The following RBM26 variants were observed in gnomAD, a reference collection of about 807,000 sequenced individuals.
RBM26 encodes the protein RNA-binding protein 26.
In RBM26, 30 loss-of-function variants were observed where a neutral mutation model predicts 123.6. The ratio of observed to expected loss-of-function variants is 0.24; its 90% CI spans 0.18 to 0.33. The LOEUF (loss-of-function observed/expected upper bound fraction) is 0.33, where lower values mean the gene tolerates loss of function less well. Ranked by LOEUF, RBM26 falls within the 10% of genes least tolerant of loss-of-function variation. The pLI is 1.00. For synonymous variants in RBM26, 400 were observed against 404.4 expected (o/e 0.99, Z 0.13); for missense variants, 947 against 1,203.6 (o/e 0.79, Z 3.15).
intron 14 of RBM26, among the ~76,000 whole-genome samples, chr13:79,345,633 T>C (rs1431398144): frequency 6.6e-6 from 1 of 151,520 alleles, no homozygotes; most frequent in Non-Finnish European, 1.5e-5. Flanking sequence ...TTTGCTCATC[T>C]ATAAAATAAA....
chr13:79,375,112 A>AATATATATTTATATATATCAT (rs2076561607), intron 3 of RBM26, among the ~76,000 whole-genome samples: 1 of 127,732 alleles, frequency 7.8e-6, no homozygotes, highest in Non-Finnish European at 1.7e-5. Context: ...ATATCATATA[A>AATATATATTTATATATATCAT]ATATATATTT....
At chr13:79,333,309 A>G (rs2069731769) in intron 20 of RBM26, among the ~76,000 whole-genome samples, 1 of 152,212 alleles carries the variant, frequency 6.6e-6, no homozygotes, top group South Asian at 2.1e-4. Flanking sequence ...ATTTTATAAA[A>G]TAATATACTA....
Position 79,319,108 on chromosome 13 carries a change from A to G in RBM26, c.*1513T>C. Reference sequence around the variant, plus strand: ...TCTATGAAATAGTGTTACCATCAAGAAAATACACACAACTTCAACCCCAAT... The same window carrying G: ...TCTATGAAATAGTGTTACCATCAAGGAAATACACACAACTTCAACCCCAAT... On this transcript the variant is annotated 3_prime_UTR_variant, in exon 22 of 22. Coordinates refer to ENST00000438737, the MANE Select transcript of RBM26 (RefSeq NM_001366735.2). The G allele has an allele frequency of 5.1e-6, 5 of 984,500 alleles. No homozygotes were observed. The highest frequency in any genetic ancestry group is 4.8e-6 in the Non-Finnish European group (4 of 829,270). The allele number at this position is 984,500 out of a possible 1,614,324, so 61.0% of individuals were successfully genotyped here.
At chr13:79,346,084 T>G (rs1313151251) in intron 14 of RBM26, among the ~76,000 whole-genome samples, 2 of 152,066 alleles carry the variant, frequency 1.3e-5, no homozygotes, top group Non-Finnish European at 2.9e-5. Flanking sequence ...CTAAATAAGG[T>G]TAAAAGAACT....
chr13:79,325,236 G>T (rs2068207102), intron 20 of RBM26, among the ~76,000 whole-genome samples: 1 of 152,004 alleles, frequency 6.6e-6, no homozygotes, highest in Admixed American at 6.6e-5. Context: ...CATTATTTTA[G>T]AGTGTACTCT....
At chr13:79,405,131 G>A (rs1029569883) in intron 1 of RBM26, among the ~76,000 whole-genome samples, 2 of 152,238 alleles carry the variant, frequency 1.3e-5, no homozygotes, top group Non-Finnish European at 2.9e-5. Context: ...TATGGATGAA[G>A]ATTCAATTTT....
chr13:79,362,725 A>AT (rs1315239754), intron 9 of RBM26, among the ~76,000 whole-genome samples: 9 of 152,074 alleles, frequency 5.9e-5, no homozygotes, highest in Non-Finnish European at 1.3e-4. Flanking sequence ...TTTTACTTTA[A>AT]TATGTTCCGT....
intron 14 of RBM26, among the ~76,000 whole-genome samples, chr13:79,351,818 A>C (rs941579712): frequency 6.6e-6 from 1 of 152,178 alleles, no homozygotes; most frequent in African/African-American, 2.4e-5. Context: ...ATAATGAATT[A>C]ACGCCAAAAT....
chr13:79,354,337 T>C, intron 13 of RBM26, 102 bp downstream of exon 13: 1 of 1,040,640 alleles, frequency 9.6e-7, no homozygotes, highest in Admixed American at 3.0e-5. Flanking sequence ...GACTATCATA[T>C]TTCTATGTAA....
At chr13:79,340,607 A>T (rs942978546) in intron 18 of RBM26, among the ~76,000 whole-genome samples, 2 of 151,964 alleles carry the variant, frequency 1.3e-5, no homozygotes, top group Admixed American at 6.6e-5. Flanking sequence ...TTTCACTAGG[A>T]GTTGTTTCTT....
chr13:79,357,263 T>C (rs1294423573), intron 11 of RBM26, among the ~76,000 whole-genome samples: 1 of 152,126 alleles, frequency 6.6e-6, no homozygotes, highest in Non-Finnish European at 1.5e-5. Context: ...ATAGTACTTT[T>C]CAATGGCAAG....
At chr13:79,316,583 A>G (rs187578091), downstream of RBM26, among the ~76,000 whole-genome samples, 1,204 of 151,934 alleles carry the variant, frequency 7.9e-3, 12 homozygotes, top group Admixed American at 0.014. Flanking sequence ...ATCAAATCAC[A>G]ATAAAACAAA....
chr13:79,366,949 A>C (rs376689829), intron 6 of RBM26, 77 bp from the exon 7 acceptor site: 5 of 1,183,352 alleles, frequency 4.2e-6, no homozygotes, highest in African/African-American at 3.1e-5. Flanking sequence ...GCAAAAGTAA[A>C]ATATTTAAAA....
intron 1 of RBM26, among the ~76,000 whole-genome samples, chr13:79,379,875 T>A (rs2076944604): frequency 6.6e-6 from 1 of 151,916 alleles, no homozygotes; most frequent in African/African-American, 2.4e-5. Context: ...TAAAAATGAC[T>A]CTTAAATGAG....
chr13:79,380,831 A>C (rs1272420001), intron 1 of RBM26, among the ~76,000 whole-genome samples: 1 of 152,048 alleles, frequency 6.6e-6, no homozygotes, highest in Non-Finnish European at 1.5e-5. Flanking sequence ...CTTATATGAG[A>C]CCAACTTATT....
intron 18 of RBM26, 107 bp downstream of exon 18, chr13:79,341,016 C>G: frequency 1.6e-6 from 1 of 609,730 alleles, no homozygotes; most frequent in Non-Finnish European, 2.7e-6. Flanking sequence ...CCAGGGATTA[C>G]CAACAATTAC....
chr13:79,318,915 C>T lies in RBM26; in HGVS notation c.*1706G>A. 2.0e-6 allele frequency: 2 copies of T among 979,032 alleles called. No homozygotes were observed. The highest frequency in any genetic ancestry group is 2.4e-6 in the Non-Finnish European group (2 of 824,322). The allele number at this position is 979,032 out of a possible 1,614,324, so 60.6% of individuals were successfully genotyped here. On this transcript the variant is annotated 3_prime_UTR_variant, in exon 22 of 22. Transcript: ENST00000438737. The stretch of plus-strand genomic sequence containing the variant: ...AAGAAAACAAACTTACCTAATGAAT[C>T]AGAATAGCACATAGTCAACATACAA...
rs753735637 is a variant in RBM26, at chr13:79,337,202, C to T, written c.2633G>A (p.Arg878Gln). 3.7e-6 allele frequency: 6 copies of T among 1,614,078 alleles called. No homozygotes were observed. In the South Asian group the frequency reaches 4.4e-5, roughly 12 times the overall value. Residue 878 changes from arginine to glutamine, a missense_variant, in exon 19 of 22, where the codon CGA (arginine) becomes CAA (glutamine). Around this residue, in one of 5 missense-constraint regions of RBM26, gnomAD observed 164 missense variants for 215.3 expected, o/e 0.76. Coordinates refer to ENST00000438737, the MANE Select transcript of RBM26 (RefSeq NM_001366735.2). ...HGRGRGRGRG[R>Q]GVPGHAVVDH... ...CACCACAGCATGACCAGGCACACCTCGCCCTCGCCCTCGCCCCCTGCCTCG... is the reference window on the plus strand; with the variant it reads ...CACCACAGCATGACCAGGCACACCTTGCCCTCGCCCTCGCCCCCTGCCTCG...
chr13:79,361,125 A>T (rs1219246893), intron 9 of RBM26, among the ~76,000 whole-genome samples: 4 of 152,102 alleles, frequency 2.6e-5, no homozygotes, highest in Non-Finnish European at 4.4e-5. Context: ...AGAACGTTCA[A>T]ATTATTTTCA....
Sources: allele counts gnomAD v4.1 joint callset (sites outside exome capture counted in the v4.1 genomes callset), GRCh38; gene constraint gnomAD v4.1.1; regional missense constraint gnomAD v4.1.1; transcripts MANE v1.5; gene names NCBI Gene and HGNC (gene_info 2026-07-23, HGNC 2026-07-21).